Variants in AUTS2 observed in about 807,000 individuals in gnomAD.
AUTS2 encodes the protein autism susceptibility gene 2 protein.
A neutral mutation model predicts 112.4 loss-of-function variants in AUTS2; 17 were observed. The observed-to-expected ratio is 0.15, with a 90% CI of 0.10 to 0.23. The LOEUF (loss-of-function observed/expected upper bound fraction) is 0.23, where lower values mean the gene tolerates loss of function less well. Among genes scored for constraint, AUTS2 ranks in the 10% least tolerant of loss-of-function variants. The probability of loss-of-function intolerance (pLI) is 1.00; values close to 1 mark genes in which losing one functional copy is unlikely to be tolerated. For missense variants in AUTS2, 1,510 were observed against 1,701.6 expected, an observed-to-expected ratio of 0.89 and a Z score of 1.98; for synonymous variants, 751 against 702.7, an observed-to-expected ratio of 1.07 and a Z score of -1.09.
intron 4 of AUTS2, among the ~76,000 whole-genome samples, chr7:70,238,079 G>C (rs992482957): frequency 1.3e-5 from 2 of 152,140 alleles, no homozygotes; most frequent in Admixed American, 1.3e-4. Context: ...ATTTCCTGTG[G>C]ATCCAAAATT....
At chr7:70,110,465 G>A (rs1396989994) in intron 2 of AUTS2, among the ~76,000 whole-genome samples, 1 of 152,142 alleles carries the variant, frequency 6.6e-6, no homozygotes, top group Non-Finnish European at 1.5e-5. Context: ...GCAGTGAGCC[G>A]AGATCGCGCC....
At chr7:70,447,018 G>A (rs1796346281) in intron 5 of AUTS2, among the ~76,000 whole-genome samples, 1 of 152,152 alleles carries the variant, frequency 6.6e-6, no homozygotes, top group African/African-American at 2.4e-5. Flanking sequence ...GGGTGGATTA[G>A]GCAAAAACTC....
In AUTS2 at chr7:70,581,207, A is replaced by G. The variant is rs538185252; in HGVS notation, c.691-117362A>G. On this transcript the variant is annotated intron_variant, in intron 5 of 18. Coordinates refer to ENST00000342771, the MANE Select transcript of AUTS2 (RefSeq NM_015570.4). The stretch of plus-strand genomic sequence containing the variant: ...AGACCAGCCTGACCAACGTGGTGAA[A>G]CCCCCATCTCTACTAAAAATACAAA... 2.0e-5 allele frequency among the ~76,000 whole-genome samples: 3 copies of G among 151,966 alleles called. No homozygotes were observed. In the South Asian group the frequency reaches 6.3e-4, roughly 32 times the overall value.
At chr7:70,313,013 C>G (rs1218581333) in intron 4 of AUTS2, among the ~76,000 whole-genome samples, 1 of 152,122 alleles carries the variant, frequency 6.6e-6, no homozygotes, top group African/African-American at 2.4e-5. Flanking sequence ...AAACTGCTAT[C>G]CTGTGGAAGA....
At chr7:70,644,790 C>T (rs762331468) in intron 5 of AUTS2, among the ~76,000 whole-genome samples, 9 of 152,182 alleles carry the variant, frequency 5.9e-5, no homozygotes, top group Non-Finnish European at 1.2e-4. Context: ...AGAAGTGCTG[C>T]ATAACCCTTG....
At chr7:70,426,368 C>T (rs754893750) in intron 4 of AUTS2, among the ~76,000 whole-genome samples, 51 of 152,174 alleles carry the variant, frequency 3.4e-4, no homozygotes, top group Admixed American at 7.2e-4. Flanking sequence ...TAAACGAGGA[C>T]GGTTGCTCCA....
chr7:70,123,718 CA>C (rs762901284), intron 3 of AUTS2, among the ~76,000 whole-genome samples: 6 of 152,302 alleles, frequency 3.9e-5, no homozygotes, highest in African/African-American at 1.2e-4. Context: ...TCGTGGTTTA[CA>C]TATACCAAAT....
intron 1 of AUTS2, among the ~76,000 whole-genome samples, chr7:69,790,138 A>T (rs535394949): frequency 2.0e-5 from 3 of 152,170 alleles, no homozygotes; most frequent in East Asian, 1.9e-4. Flanking sequence ...AAATAAAAAA[A>T]AAAATGGCTG....
chr7:69,649,080 A>G (rs1044346238), intron 1 of AUTS2, among the ~76,000 whole-genome samples: 2 of 152,116 alleles, frequency 1.3e-5, no homozygotes, highest in African/African-American at 4.8e-5. Flanking sequence ...TTTCCATGGC[A>G]TTTGCTGAGC....
intron 2 of AUTS2, among the ~76,000 whole-genome samples, chr7:70,112,091 A>C (rs189695858): frequency 3.3e-5 from 5 of 151,656 alleles, no homozygotes; most frequent in African/African-American, 9.7e-5. Context: ...CTATTCTTTC[A>C]CATTTAATAG....
intron 2 of AUTS2, among the ~76,000 whole-genome samples, chr7:70,096,471 G>C (rs370382952): frequency 6.6e-6 from 1 of 151,382 alleles, no homozygotes; most frequent in African/African-American, 2.4e-5. Context: ...GGTGGCGGGC[G>C]CCTGTAATCC....
intron 2 of AUTS2, among the ~76,000 whole-genome samples, chr7:69,915,889 G>C (rs890081213): frequency 2.0e-5 from 3 of 152,136 alleles, no homozygotes; most frequent in African/African-American, 7.2e-5. Flanking sequence ...ACCACACCTA[G>C]CTAATTTTTT....
At chr7:70,584,938 C>T (rs1802614832) in intron 5 of AUTS2, among the ~76,000 whole-genome samples, 1 of 152,252 alleles carries the variant, frequency 6.6e-6, no homozygotes, top group Admixed American at 6.5e-5. Flanking sequence ...CTGCACCCTG[C>T]TTTTCAAGGT....
At chr7:70,784,123 A>AT (rs1394312917) in intron 15 of AUTS2, 47 of 152,232 alleles carry the variant, frequency 3.1e-4, no homozygotes, top group African/African-American at 1.1e-3. Context: ...CAGTTATAAG[A>AT]TTTTCAGTGC....
chr7:69,758,048 CTG>C, intron 1 of AUTS2, among the ~76,000 whole-genome samples: 1 of 152,212 alleles, frequency 6.6e-6, no homozygotes. Flanking sequence ...GATCTTTGAT[CTG>C]GTTCTTGAAG....
intron 6 of AUTS2, among the ~76,000 whole-genome samples, chr7:70,711,062 G>A (rs568172586): frequency 1.7e-3 from 265 of 152,282 alleles, no homozygotes; most frequent in Middle Eastern, 3.4e-3. Context: ...TGCCTCCCAG[G>A]AGTAACTGTT....
intron 2 of AUTS2, among the ~76,000 whole-genome samples, chr7:69,915,979 A>G (rs747741392): frequency 6.6e-5 from 10 of 152,328 alleles, no homozygotes; most frequent in Non-Finnish European, 1.2e-4. Flanking sequence ...TTGGCCTCCC[A>G]AAGTGCTGGG....
intron 4 of AUTS2, among the ~76,000 whole-genome samples, chr7:70,147,915 T>C (rs1807219290): frequency 6.6e-6 from 1 of 152,056 alleles, no homozygotes; most frequent in African/African-American, 2.4e-5. Flanking sequence ...TTGGGTGAAT[T>C]TCTTTCTTCT....
intron 4 of AUTS2, among the ~76,000 whole-genome samples, chr7:70,222,424 A>G (rs1408526860): frequency 2.6e-5 from 4 of 152,200 alleles, no homozygotes; most frequent in Non-Finnish European, 5.9e-5. Context: ...AAATTTGTCT[A>G]TTGTAAAAGA....
Sources: gnomAD v4.1 joint callset for allele counts (sites outside exome capture counted in the v4.1 genomes callset) on GRCh38, gnomAD v4.1.1 for gene constraint, MANE v1.5 for transcripts, NCBI Gene and HGNC (gene_info 2026-07-23, HGNC 2026-07-21) for gene names.